Variants in NAGS observed in about 807,000 individuals in gnomAD.
NAGS encodes N-acetylglutamate synthase, mitochondrial.
Under a neutral mutation model 46.9 loss-of-function variants are expected in NAGS, and 34 were observed. That is an observed-to-expected ratio of 0.72 (90% CI 0.55 to 0.97). The LOEUF (loss-of-function observed/expected upper bound fraction) is 0.97, where lower values mean the gene tolerates loss of function less well. Among genes scored for constraint, NAGS ranks in the 50% least tolerant of loss-of-function variants. NAGS has a pLI of 0.00. For missense variants in NAGS, 665 were observed against 747.0 expected (o/e 0.89, Z 1.28); for synonymous variants, 334 against 346.3 (o/e 0.96, Z 0.39).
rs2049105600 is a variant in NAGS at position 44,007,257 on chromosome 17, T to C, written c.1097-66T>C. 11 of 1,525,324 alleles carry C rather than the reference T, an allele frequency of 7.2e-6. No individual in the cohort carries two copies. The highest frequency in any genetic ancestry group is 1.4e-5 in the African/African-American group (1 of 72,852). 94.5% of individuals were successfully genotyped at this position (1,525,324 alleles called of 1,614,324 possible). On this transcript the variant is annotated intron_variant, in intron 4 of 6. Coordinates refer to ENST00000293404, the MANE Select transcript of NAGS (RefSeq NM_153006.3). The surrounding 1 kb of genome is among the most constrained non-coding windows in gnomAD (Gnocchi z 5.1). ...TTGTCCCACCAGCGCCTGTCCTACC[T>C]GCAGTCCCCACCAGGCTGCGCAAAC...
Position 44,006,077 on chromosome 17 carries a change from C to T in NAGS, c.755C>T (p.Ser252Leu), listed in dbSNP as rs1167941562. The T allele has an allele frequency of 8.7e-6, 14 of 1,611,658 alleles. No homozygotes were observed. The highest frequency in any genetic ancestry group is 1.2e-5 in the Non-Finnish European group (14 of 1,179,532). Residue 252 changes from serine to leucine, a missense_variant, in exon 3 of 7, where the codon TCG (serine) becomes TTG (leucine). Transcript: ENST00000293404. The surrounding 1 kb of genome is among the most constrained non-coding windows in gnomAD (Gnocchi z 4.8). The stretch of plus-strand genomic sequence containing the variant: ...GACCTGCTGCAGTGGTGCCTGGAGT[C>T]GGGCAGCATCCCCATCCTGTGCCCC... ...ETDLLQWCLESGSIPILCPIG... is the reference protein window; with the variant it reads ...ETDLLQWCLELGSIPILCPIG...
Position 44,006,472 on chromosome 17 carries a change from T to G in NAGS, c.916-57T>G. 1 of 1,543,340 alleles carries G rather than the reference T, an allele frequency of 6.5e-7. No homozygotes were observed. The highest frequency in any genetic ancestry group is 8.7e-7 in the Non-Finnish European group (1 of 1,143,932). On this transcript the variant is annotated intron_variant, in intron 3 of 6. Coordinates refer to ENST00000293404, the MANE Select transcript of NAGS (RefSeq NM_153006.3). The surrounding 1 kb of genome is among the most constrained non-coding windows in gnomAD (Gnocchi z 4.8). ...CAGAGAAAAGAGAGGTCCGTGGGGG[T>G]AGGGGGGCAGTCCGTGCCGGCTGTG...
In NAGS at chr17:44,006,265, A is replaced by G; in HGVS notation, c.915+28A>G. 6.2e-7 allele frequency: 1 copy of G among 1,607,016 alleles called. No individual in the cohort carries two copies. Among genetic ancestry groups the G allele is most frequent in the Non-Finnish European group, 8.5e-7 (1 of 1,176,996 alleles). ...GCGGCCCTTTCTTTCACCTTCCCCC[A>G]CGCCGGCGATCCGGGCCTTCTCTTG... is the stretch of plus-strand genomic sequence containing the variant. On this transcript the variant is annotated intron_variant, in intron 3 of 6. Coordinates refer to ENST00000293404, the MANE Select transcript of NAGS (RefSeq NM_153006.3). The surrounding 1 kb of genome is among the most constrained non-coding windows in gnomAD (Gnocchi z 4.8).
At position 44,007,394 on chromosome 17, in the gene NAGS, C is replaced by T. The variant is rs772859829; in HGVS notation, c.1168C>T (p.Arg390Cys). 12 of 1,613,660 alleles carry T rather than the reference C, an allele frequency of 7.4e-6. No homozygotes were observed. The highest frequency in any genetic ancestry group is 1.6e-4 in the Middle Eastern group (1 of 6,084). The part of the protein sequence containing the change: ...VRSLDKLDQG[R>C]LVDLVNASFG... ...CAGCCTGGACAAGCTGGACCAGGGC[C>T]GTCTAGTGGACCTGGTCAACGCCAG... is the stretch of plus-strand genomic sequence containing the variant. Residue 390 changes from arginine to cysteine, a missense_variant, in exon 5 of 7, where the codon CGT (arginine) becomes TGT (cysteine). Coordinates refer to ENST00000293404, the MANE Select transcript of NAGS (RefSeq NM_153006.3). This position sits in a 1 kb window ranked among gnomAD's most constrained non-coding sequence, Gnocchi z 5.1.
In NAGS at chr17:44,004,843, C is replaced by T; in HGVS notation, c.180C>T (p.Pro60=). The part of the protein sequence containing the change: ...STAWSQPQPP[P]EEYAGADDVS... Reference sequence around the variant, plus strand: ...CCTGGTCGCAGCCCCAGCCCCCGCCCGAGGAGTACGCGGGCGCGGACGACG... The same window carrying T: ...CCTGGTCGCAGCCCCAGCCCCCGCCTGAGGAGTACGCGGGCGCGGACGACG... The change falls in exon 1 of 7, where the codon CCC becomes CCT. Residue 60 remains proline, a synonymous_variant. Transcript: ENST00000293404. The T allele has an allele frequency of 6.6e-7, 1 of 1,521,832 alleles. No homozygotes were observed. 94.3% of individuals were successfully genotyped at this position (1,521,832 alleles called of 1,614,324 possible). A position where few individuals can be genotyped will look rare whatever the true frequency, so the allele number is the denominator to read the frequency against.
Position 44,007,509 on chromosome 17 carries a change from C to T in NAGS, c.1268+15C>T. The T allele has an allele frequency of 1.2e-6, 2 of 1,613,574 alleles. No individual in the cohort carries two copies. Among genetic ancestry groups the T allele is most frequent in the Non-Finnish European group, 1.7e-6 (2 of 1,179,920 alleles). ...GTCTCCGAGGGGTAAGCCTGCGGAC[C>T]CCAGAGGGCGGGGTCTGGGGGGCAG... On this transcript the variant is annotated intron_variant, in intron 5 of 6. Transcript: ENST00000293404. This position sits in a 1 kb window ranked among gnomAD's most constrained non-coding sequence, Gnocchi z 5.1.
Position 44,005,695 on chromosome 17 carries a change from C to T in NAGS, c.485C>T (p.Ala162Val). 1 of 1,605,830 alleles carries T rather than the reference C, an allele frequency of 6.2e-7. No homozygotes were observed. The highest frequency in any genetic ancestry group is 8.5e-7 in the Non-Finnish European group (1 of 1,176,482). ...GTATCCAGTCTGGCCTTTGCCCTGGCCTTCTTGCAGCGCATGGACATGAAG... is the reference window on the plus strand; with the variant it reads ...GTATCCAGTCTGGCCTTTGCCCTGGTCTTCTTGCAGCGCATGGACATGAAG... ...QGVSSLAFAL[A>V]FLQRMDMKPL... The change falls in exon 2 of 7, where the codon GCC becomes GTC. Residue 162 changes from alanine (A) to valine (V), a missense_variant. By Grantham distance (64) the Ala-to-Val change is moderately conservative. Coordinates refer to ENST00000293404, the MANE Select transcript of NAGS (RefSeq NM_153006.3). The surrounding 1 kb of genome is among the most constrained non-coding windows in gnomAD (Gnocchi z 7.2).
Position 44,005,103 on chromosome 17 carries a change from G to C in NAGS, c.426+14G>C. 1 of 1,559,730 alleles carries C rather than the reference G, an allele frequency of 6.4e-7. No homozygotes were observed. ...GCCGTCATCGAGGTGAGCGGAGCCC[G>C]GCGTGGGCCGTGACGCAGCGAGGGG... On this transcript the variant is annotated intron_variant, in intron 1 of 6. Transcript: ENST00000293404. This position sits in a 1 kb window ranked among gnomAD's most constrained non-coding sequence, Gnocchi z 7.2.
chr17:44,005,828 G>A lies in NAGS; in HGVS notation c.618G>A (p.Ala206=), dbSNP rs767680440. 2.5e-5 allele frequency: 40 copies of A among 1,574,710 alleles called. No individual in the cohort carries two copies. The highest frequency in any genetic ancestry group is 5.6e-5 in the Admixed American group (3 of 53,498). ...LAKSCKVLVD[A]LRHNAAAAVP... is the part of the protein sequence containing the mutation. Reference sequence around the variant, plus strand: ...AGAGCTGCAAGGTGCTGGTAGACGCGCTTCGACACAACGCCGCCGCTGCTG... The same window carrying A: ...AGAGCTGCAAGGTGCTGGTAGACGCACTTCGACACAACGCCGCCGCTGCTG... Residue 206 remains alanine, a synonymous_variant, in exon 2 of 7, where the codon GCG becomes GCA. Transcript: ENST00000293404. This position sits in a 1 kb window ranked among gnomAD's most constrained non-coding sequence, Gnocchi z 7.2.
In NAGS at chr17:44,006,486, G is replaced by C. The variant is rs1234965320; in HGVS notation, c.916-43G>C. On this transcript the variant is annotated intron_variant, in intron 3 of 6. Transcript: ENST00000293404. This position sits in a 1 kb window ranked among gnomAD's most constrained non-coding sequence, Gnocchi z 4.8. Reference sequence around the variant, plus strand: ...GTCCGTGGGGGTAGGGGGGCAGTCCGTGCCGGCTGTGGGCCAGGCTCACCC... The same window carrying C: ...GTCCGTGGGGGTAGGGGGGCAGTCCCTGCCGGCTGTGGGCCAGGCTCACCC... The C allele has an allele frequency of 6.5e-6, 10 of 1,547,102 alleles. No individual in the cohort carries two copies. Among genetic ancestry groups the C allele is most frequent in the Admixed American group, 2.0e-5 (1 of 51,002 alleles).
In NAGS at chr17:44,005,820, G is replaced by C; in HGVS notation, c.610G>C (p.Val204Leu). The change falls in exon 2 of 7, where the codon GTA becomes CTA. Residue 204 changes from valine to leucine, a missense_variant. Val to Leu is a conservative substitution (Grantham distance 32). Coordinates refer to ENST00000293404, the MANE Select transcript of NAGS (RefSeq NM_153006.3). This position sits in a 1 kb window ranked among gnomAD's most constrained non-coding sequence, Gnocchi z 7.2. ...AQLAKSCKVL[V>L]DALRHNAAAA... is the part of the protein sequence containing the mutation. ...GCTGGCCAAGAGCTGCAAGGTGCTG[G>C]TAGACGCGCTTCGACACAACGCCGC... is the stretch of plus-strand genomic sequence containing the variant. 2 of 1,579,742 alleles carry C rather than the reference G, an allele frequency of 1.3e-6. No individual in the cohort carries two copies. The highest frequency in any genetic ancestry group is 1.3e-5 in the African/African-American group (1 of 74,566).
Position 44,006,472 on chromosome 17 carries a change from T to A in NAGS, c.916-57T>A, listed in dbSNP as rs228770. On this transcript the variant is annotated intron_variant, in intron 3 of 6. Transcript: ENST00000293404. This position sits in a 1 kb window ranked among gnomAD's most constrained non-coding sequence, Gnocchi z 4.8. ...CAGAGAAAAGAGAGGTCCGTGGGGG[T>A]AGGGGGGCAGTCCGTGCCGGCTGTG... is the stretch of plus-strand genomic sequence containing the variant. 6.5e-7 allele frequency: 1 copy of A among 1,543,336 alleles called. No homozygotes were observed. The highest frequency in any genetic ancestry group is 8.7e-7 in the Non-Finnish European group (1 of 1,143,928).
At chr17:44,008,379 A>G (rs1477917551) in intron 6 of NAGS, 69 bp from the exon 7 acceptor site, 1 of 1,581,242 alleles carries the variant, frequency 6.3e-7, no homozygotes, top group Non-Finnish European at 8.7e-7. Context: ...TTTTAAAGAC[A>G]GAACCAGTGA....
Position 44,008,730 on chromosome 17 carries a change from A to G in NAGS, c.*129A>G. 1.6e-6 allele frequency: 2 copies of G among 1,278,302 alleles called. No individual in the cohort carries two copies. Among genetic ancestry groups the G allele is most frequent in the Non-Finnish European group, 2.2e-6 (2 of 889,064 alleles). 79.2% of individuals were successfully genotyped at this position (1,278,302 alleles called of 1,614,324 possible). On this transcript the variant is annotated 3_prime_UTR_variant, in exon 7 of 7. Transcript: ENST00000293404. ...GTTGGCTGAGTGATCTGCAGAGGAGAAAGCAGCCCCAGCTCTGCCCAGAGG... is the reference window on the plus strand; with the variant it reads ...GTTGGCTGAGTGATCTGCAGAGGAGGAAGCAGCCCCAGCTCTGCCCAGAGG...
At position 44,007,528 on chromosome 17, in the gene NAGS, G is replaced by T; in HGVS notation, c.1268+34G>T. 1 of 1,613,402 alleles carries T rather than the reference G, an allele frequency of 6.2e-7. No individual in the cohort carries two copies. The highest frequency in any genetic ancestry group is 8.5e-7 in the Non-Finnish European group (1 of 1,179,876). On this transcript the variant is annotated intron_variant, in intron 5 of 6. Coordinates refer to ENST00000293404, the MANE Select transcript of NAGS (RefSeq NM_153006.3). This position sits in a 1 kb window ranked among gnomAD's most constrained non-coding sequence, Gnocchi z 5.1. ...GCGGACCCCAGAGGGCGGGGTCTGGGGGGCAGTCGGGCAGCTTCGGACCAA... is the reference window on the plus strand; with the variant it reads ...GCGGACCCCAGAGGGCGGGGTCTGGTGGGCAGTCGGGCAGCTTCGGACCAA...
chr17:44,006,582 G>C lies in NAGS; in HGVS notation c.969G>C (p.Glu323Asp). 1 of 1,589,968 alleles carries C rather than the reference G, an allele frequency of 6.3e-7. No homozygotes were observed. The highest frequency in any genetic ancestry group is 8.6e-7 in the Non-Finnish European group (1 of 1,167,506). Residue 323 changes from glutamate (E) to aspartate (D), a missense_variant, in exon 4 of 7, where the codon GAG becomes GAC. Physicochemically the swap from Glu to Asp is conservative, Grantham distance 45. Coordinates refer to ENST00000293404, the MANE Select transcript of NAGS (RefSeq NM_153006.3). This position sits in a 1 kb window ranked among gnomAD's most constrained non-coding sequence, Gnocchi z 4.8. Reference sequence around the variant, plus strand: ...ACCTGGACCTGGTGTGCAACGCCGAGTGGGTGAGCACAAAAGAACGGCAGC... The same window carrying C: ...ACCTGGACCTGGTGTGCAACGCCGACTGGGTGAGCACAAAAGAACGGCAGC... ...PADLDLVCNAEWVSTKERQQM... is the reference protein window; with the variant it reads ...PADLDLVCNADWVSTKERQQM...
chr17:44,007,277 G>T lies in NAGS; in HGVS notation c.1097-46G>T. 1 of 1,600,340 alleles carries T rather than the reference G, an allele frequency of 6.2e-7. No homozygotes were observed. On this transcript the variant is annotated intron_variant, in intron 4 of 6. Coordinates refer to ENST00000293404, the MANE Select transcript of NAGS (RefSeq NM_153006.3). The surrounding 1 kb of genome is among the most constrained non-coding windows in gnomAD (Gnocchi z 5.1). The stretch of plus-strand genomic sequence containing the variant: ...CTACCTGCAGTCCCCACCAGGCTGC[G>T]CAAACGGCCCTCCAGCCAGACTAGC...
At position 44,008,881 on chromosome 17, in the gene NAGS, C is replaced by G. The variant is rs183196024; in HGVS notation, c.*280C>G. On this transcript the variant is annotated 3_prime_UTR_variant, in exon 7 of 7. Transcript: ENST00000293404. ...CTGGGGATTAGGGGAGGGGAGGGTGCCTTCCAGGGCTCTACTCAGGACTAA... is the reference window on the plus strand; with the variant it reads ...CTGGGGATTAGGGGAGGGGAGGGTGGCTTCCAGGGCTCTACTCAGGACTAA... 2 of 522,096 alleles carry G rather than the reference C, an allele frequency of 3.8e-6. No homozygotes were observed. The highest frequency in any genetic ancestry group is 3.8e-5 in the African/African-American group (2 of 52,210). The allele number at this position is 522,096 out of a possible 1,614,324, so 32.3% of individuals were successfully genotyped here. A position where few individuals can be genotyped will look rare whatever the true frequency, so the allele number is the denominator to read the frequency against.
rs1485511992 is a variant in NAGS at position 44,005,067 on chromosome 17, A to G, written c.404A>G (p.Asp135Gly). The change falls in exon 1 of 7, where the codon GAC becomes GGC. Residue 135 changes from aspartate to glycine, a missense_variant. Physicochemically the swap from Asp to Gly is moderately conservative, Grantham distance 94 (BLOSUM62 -1). Coordinates refer to ENST00000293404, the MANE Select transcript of NAGS (RefSeq NM_153006.3). This position sits in a 1 kb window ranked among gnomAD's most constrained non-coding sequence, Gnocchi z 7.2. The part of the protein sequence containing the change: ...TQFQTCHHSA[D>G]KPFAVIEVDE... ...TTCCAGACCTGCCATCACTCCGCGGACAAGCCCTTCGCCGTCATCGAGGTG... is the reference window on the plus strand; with the variant it reads ...TTCCAGACCTGCCATCACTCCGCGGGCAAGCCCTTCGCCGTCATCGAGGTG... The G allele has an allele frequency of 6.4e-7, 1 of 1,574,072 alleles. No individual in the cohort carries two copies. Among genetic ancestry groups the G allele is most frequent in the Non-Finnish European group, 8.6e-7 (1 of 1,164,170 alleles).
Sources: allele counts gnomAD v4.1 joint callset, GRCh38; gene constraint gnomAD v4.1.1; non-coding constraint Gnocchi (gnomAD v3.1); transcripts MANE v1.5; gene names NCBI Gene and HGNC (gene_info 2026-07-23, HGNC 2026-07-21).